CNTN4: variants seen among roughly 807,000 people sequenced by gnomAD.
The protein encoded by CNTN4 is contactin 4.
Under a neutral mutation model 122.5 loss-of-function variants are expected in CNTN4, and 77 were observed. That is an observed-to-expected ratio of 0.63 (90% CI 0.52 to 0.76). The LOEUF (loss-of-function observed/expected upper bound fraction) is 0.76. CNTN4 is among the 30% of genes least tolerant of loss of function. CNTN4 has a pLI of 0.00. For missense variants in CNTN4, 1,256 were observed against 1,259.1 expected (o/e 1.00, Z 0.04); for synonymous variants, 512 against 447.0 (o/e 1.15, Z -1.83).
At chr3:2,463,455 T>G (rs1207405248) in intron 3 of CNTN4, among the ~76,000 whole-genome samples, 1 of 152,172 alleles carries the variant, frequency 6.6e-6, no homozygotes, top group Non-Finnish European at 1.5e-5. Context: ...TACTGTTTTT[T>G]GGTTCATGTG....
chr3:2,964,942 G>A (rs73805468), intron 13 of CNTN4, among the ~76,000 whole-genome samples: 89 of 152,062 alleles, frequency 5.9e-4, no homozygotes, highest in African/African-American at 1.9e-3. Flanking sequence ...TGCTTCCATC[G>A]TGCCCTACTC....
intron 2 of CNTN4, among the ~76,000 whole-genome samples, chr3:2,212,057 G>T (rs1470394740): frequency 5.9e-5 from 9 of 151,880 alleles, no homozygotes; most frequent in Non-Finnish European, 2.9e-5. Context: ...CACTGTAACC[G>T]CAAACTCCTG....
chr3:2,752,382 T>C (rs2090137072), intron 6 of CNTN4, among the ~76,000 whole-genome samples: 1 of 152,228 alleles, frequency 6.6e-6, no homozygotes, highest in Non-Finnish European at 1.5e-5. Flanking sequence ...TGTGTGTTTG[T>C]TGAGGTGGAG....
intron 2 of CNTN4, among the ~76,000 whole-genome samples, chr3:2,116,589 A>G (rs2033369257): frequency 6.6e-6 from 1 of 152,154 alleles, no homozygotes; most frequent in Admixed American, 6.5e-5. Flanking sequence ...GTGGAACACT[A>G]ATTCTTCTAG....
chr3:2,419,987 C>A (rs1184558365), intron 3 of CNTN4, among the ~76,000 whole-genome samples: 1 of 152,144 alleles, frequency 6.6e-6, no homozygotes. Context: ...CTGCCAAAAG[C>A]CACGGTCATT....
intron 2 of CNTN4, among the ~76,000 whole-genome samples, chr3:2,181,352 G>C (rs35721029): frequency 0.28 from 42,344 of 151,920 alleles, 6,241 homozygotes; most frequent in East Asian, 0.49. Context: ...TGAGATGTCA[G>C]TGATAAGTGA....
At chr3:2,530,503 T>A (rs902631301) in intron 3 of CNTN4, among the ~76,000 whole-genome samples, 2 of 151,834 alleles carry the variant, frequency 1.3e-5, no homozygotes, top group Non-Finnish European at 2.9e-5. Flanking sequence ...GAGACAGGGG[T>A]TTCACCATGT....
intron 6 of CNTN4, among the ~76,000 whole-genome samples, chr3:2,758,496 C>G (rs1202433718): frequency 2.0e-5 from 3 of 149,484 alleles, no homozygotes; most frequent in Non-Finnish European, 3.0e-5. Flanking sequence ...GAAGGTGTTG[C>G]CTCTTACTTT....
intron 6 of CNTN4, among the ~76,000 whole-genome samples, chr3:2,809,574 C>A (rs2092555588): frequency 6.6e-6 from 1 of 152,152 alleles, no homozygotes; most frequent in Admixed American, 6.6e-5. Context: ...ACCTTTGTTT[C>A]TCTTTGTGTT....
intron 3 of CNTN4, among the ~76,000 whole-genome samples, chr3:2,510,005 C>G (rs933298137): frequency 1.3e-5 from 2 of 152,140 alleles, no homozygotes; most frequent in Non-Finnish European, 2.9e-5. Flanking sequence ...CTAAATAAGA[C>G]CATTTCCTGC....
intron 1 of CNTN4, among the ~76,000 whole-genome samples, chr3:2,099,982 A>T (rs2031774891): frequency 6.6e-6 from 1 of 152,190 alleles, no homozygotes; most frequent in South Asian, 2.1e-4. Flanking sequence ...GCATGGAAAC[A>T]TTTCGCAGCG....
intron 13 of CNTN4, among the ~76,000 whole-genome samples, chr3:2,984,499 C>T (rs907932409): frequency 2.0e-5 from 3 of 152,170 alleles, no homozygotes; most frequent in Non-Finnish European, 4.4e-5. Context: ...AAGAATTGTT[C>T]AGTCCAAAAT....
intron 4 of CNTN4, among the ~76,000 whole-genome samples, chr3:2,694,726 C>T (rs1056080580): frequency 3.9e-5 from 6 of 152,040 alleles, no homozygotes. Flanking sequence ...GAGACCCTGT[C>T]TCAAAAAAAG....
At chr3:2,248,317 T>A (rs1364366540) in intron 2 of CNTN4, among the ~76,000 whole-genome samples, 2 of 152,016 alleles carry the variant, frequency 1.3e-5, no homozygotes, top group Admixed American at 1.3e-4. Flanking sequence ...TGTGTCTATG[T>A]AAGTAACATA....
chr3:2,936,036 T>G (rs2094564906), intron 13 of CNTN4, among the ~76,000 whole-genome samples: 1 of 152,188 alleles, frequency 6.6e-6, no homozygotes, highest in Non-Finnish European at 1.5e-5. Context: ...CAGAATCCAG[T>G]TGAGAAAAGC....
intron 3 of CNTN4, among the ~76,000 whole-genome samples, chr3:2,543,476 G>A (rs1031300973): frequency 6.6e-6 from 1 of 152,058 alleles, no homozygotes; most frequent in Non-Finnish European, 1.5e-5. Flanking sequence ...TGGGCCCTGG[G>A]AGGGGATAAC....
chr3:2,936,020 A>G (rs1204868247), intron 13 of CNTN4, among the ~76,000 whole-genome samples: 1 of 152,242 alleles, frequency 6.6e-6, no homozygotes, highest in African/African-American at 2.4e-5. Context: ...AAACTGGGAC[A>G]TCTCTCAGAA....
At chr3:3,008,337 A>G (rs571927324) in intron 14 of CNTN4, among the ~76,000 whole-genome samples, 26 of 152,324 alleles carry the variant, frequency 1.7e-4, no homozygotes, top group African/African-American at 6.3e-4. Flanking sequence ...GAAATCTGTC[A>G]GGCAGCATTT....
intron 8 of CNTN4, among the ~76,000 whole-genome samples, chr3:2,882,099 A>G (rs1231721075): frequency 6.6e-6 from 1 of 152,216 alleles, no homozygotes; most frequent in East Asian, 1.9e-4. Context: ...GCAGTGACTC[A>G]TGCCTGTAAT....
Sources: allele counts gnomAD v4.1 joint callset (sites outside exome capture counted in the v4.1 genomes callset), GRCh38; gene constraint gnomAD v4.1.1; transcripts MANE v1.5; gene names NCBI Gene and HGNC (gene_info 2026-07-23, HGNC 2026-07-21).